CHID1: variants seen among roughly 807,000 people sequenced by gnomAD.
The protein encoded by CHID1 is chitinase domain containing 1.
In CHID1, 44 loss-of-function variants were observed where a neutral mutation model predicts 55.4. The observed-to-expected ratio is 0.79, with a 90% CI of 0.62 to 1.02. The LOEUF is 1.02. Among genes scored for constraint, CHID1 ranks in the 50% least tolerant of loss-of-function variants. The pLI, the probability that CHID1 is intolerant of heterozygous loss-of-function variation, is 0.00. For missense variants in CHID1, 491 were observed against 515.3 expected, an observed-to-expected ratio of 0.95 and a Z score of 0.46; for synonymous variants, 216 against 212.9, an observed-to-expected ratio of 1.01 and a Z score of -0.13.
At chr11:884,399 G>C (rs1184174165) in intron 8 of CHID1, among the ~76,000 whole-genome samples, 1 of 152,184 alleles carries the variant, frequency 6.6e-6, no homozygotes, top group Non-Finnish European at 1.5e-5. Flanking sequence ...CTGAGACCAG[G>C]GTACAGCTGA....
At chr11:873,047 G>C (rs530600749) in intron 10 of CHID1, among the ~76,000 whole-genome samples, 1 of 152,278 alleles carries the variant, frequency 6.6e-6, no homozygotes, top group Admixed American at 6.5e-5. Flanking sequence ...CCAACCCCAG[G>C]AATCGCTACT....
At position 869,732 on chromosome 11, in the gene CHID1, G is replaced by A. The variant is rs1437469148; in HGVS notation, c.*126C>T. On this transcript the variant is annotated 3_prime_UTR_variant, in exon 13 of 13. Transcript: ENST00000323578. ...GGATGGGGAGTCACATGGTGCCCAG[G>A]ACCCCCGACTGAGGACTGCAGCAGA... The A allele has an allele frequency of 8.6e-6, 7 of 809,620 alleles. No homozygotes were observed. Among genetic ancestry groups the A allele is most frequent in the Non-Finnish European group, 1.4e-5 (7 of 484,526 alleles). The allele number at this position is 809,620 out of a possible 1,614,324, so 50.2% of individuals were successfully genotyped here.
At chr11:877,771 C>T (rs1849612157) in intron 10 of CHID1, among the ~76,000 whole-genome samples, 1 of 149,594 alleles carries the variant, frequency 6.7e-6, no homozygotes, top group Non-Finnish European at 1.5e-5. Context: ...GAGGCGGGGC[C>T]TTTAGAAGGC....
At chr11:877,862 G>A (rs1158709295) in intron 10 of CHID1, among the ~76,000 whole-genome samples, 5 of 152,152 alleles carry the variant, frequency 3.3e-5, no homozygotes, top group Non-Finnish European at 7.4e-5. Flanking sequence ...GTGGGGAGGC[G>A]GGGCCTTTAG....
rs144058352 is a variant in CHID1 at position 904,712 on chromosome 11, C to T, written c.105G>A (p.Leu35=). The change falls in exon 2 of 13, where the codon CTG becomes CTA. Residue 35 remains leucine (L), a synonymous_variant. Transcript: ENST00000323578. ...DAKKAASKTL[L]EKSQFSDKPV... The stretch of plus-strand genomic sequence containing the variant: ...GTCCCCAGGCCACCCTTACCTTCTC[C>T]AGCAGCGTCTTTGAGGCGGCTTTTT... The T allele has an allele frequency of 5.5e-4, 885 of 1,614,114 alleles. 3 individuals are homozygous for T. The African/African-American group carries it at 6.0e-3, about 11-fold the overall frequency.
chr11:909,670 C>T (rs1475509929), intron 1 of CHID1, among the ~76,000 whole-genome samples: 8 of 152,226 alleles, frequency 5.3e-5, no homozygotes, highest in Admixed American at 5.2e-4. Flanking sequence ...TAACTCTATT[C>T]TGCGATGGAC....
At chr11:883,617 G>C (rs1046966583) in intron 9 of CHID1, among the ~76,000 whole-genome samples, 1 of 152,214 alleles carries the variant, frequency 6.6e-6, no homozygotes, top group Non-Finnish European at 1.5e-5. Flanking sequence ...AACACACCCA[G>C]GGCCAGGCAC....
At chr11:887,457 T>C (rs1309677877) in intron 8 of CHID1, among the ~76,000 whole-genome samples, 1 of 152,218 alleles carries the variant, frequency 6.6e-6, no homozygotes, top group Admixed American at 6.5e-5. Flanking sequence ...CGCTCCTTTG[T>C]GGTGTCTTCT....
intron 10 of CHID1, among the ~76,000 whole-genome samples, chr11:876,999 G>A (rs1297691394): frequency 4.6e-5 from 7 of 152,184 alleles, no homozygotes; most frequent in Non-Finnish European, 8.8e-5. Context: ...TGCCACTCAG[G>A]CCCAGAGGTC....
At chr11:901,582 C>T (rs976409732) in intron 4 of CHID1, among the ~76,000 whole-genome samples, 3 of 152,312 alleles carry the variant, frequency 2.0e-5, no homozygotes, top group Non-Finnish European at 4.4e-5. Context: ...GAATGAAAAT[C>T]GCTGAGAGAG....
chr11:914,670 C>T (rs1027481081), upstream of CHID1: 8 of 716,906 alleles, frequency 1.1e-5, no homozygotes, highest in African/African-American at 1.3e-4. Flanking sequence ...CTGCAGTGAG[C>T]TGTGATTGCA....
upstream of CHID1, chr11:914,952 A>G (rs1852859385): frequency 4.7e-6 from 1 of 211,060 alleles, no homozygotes; most frequent in Non-Finnish European, 9.6e-6. Context: ...TGGGTCACCC[A>G]AGGGCAGGAC....
At chr11:882,879 C>T (rs923401106) in intron 10 of CHID1, 10 of 404,408 alleles carry the variant, frequency 2.5e-5, no homozygotes, top group East Asian at 1.2e-4. Context: ...GCAAGGCTGA[C>T]GGGTGGGGGA....
chr11:896,461 G>A (rs1440682687), intron 7 of CHID1, among the ~76,000 whole-genome samples: 1 of 116,016 alleles, frequency 8.6e-6, no homozygotes, highest in Non-Finnish European at 1.7e-5. Flanking sequence ...CCAGACACAA[G>A]GCTGTCTCAG....
intron 7 of CHID1, among the ~76,000 whole-genome samples, chr11:898,778 T>C (rs931624893): frequency 6.6e-6 from 1 of 152,142 alleles, no homozygotes. Context: ...GCGAGGGTCA[T>C]GGGTGGGCTG....
Position 899,374 on chromosome 11 carries a change from C to G in CHID1, c.574G>C (p.Glu192Gln), listed in dbSNP as rs765296392. The change falls in exon 7 of 13, where the codon GAG (glutamate) becomes CAG (glutamine). Residue 192 changes from glutamate to glutamine, a missense_variant. Glu to Gln is a conservative substitution (Grantham distance 29). Transcript: ENST00000323578. ...TGGCTTAGCAGCTGGTTCCAGACCT[C>G]CACCACGAAGCCATCGAAATGCTGG... ...KNQHFDGFVVEVWNQLLSQKR... is the reference protein window; with the variant it reads ...KNQHFDGFVVQVWNQLLSQKR... 9.3e-6 allele frequency: 15 copies of G among 1,605,066 alleles called. No homozygotes were observed. The highest frequency in any genetic ancestry group is 7.9e-5 in the South Asian group (7 of 89,062).
chr11:887,575 C>A (rs1282071632), intron 8 of CHID1, among the ~76,000 whole-genome samples: 1 of 152,214 alleles, frequency 6.6e-6, no homozygotes, highest in East Asian at 1.9e-4. Flanking sequence ...AGGACCATGG[C>A]CAGCAGGACT....
chr11:912,876 C>G (rs892546293), upstream of CHID1, among the ~76,000 whole-genome samples: 4 of 151,710 alleles, frequency 2.6e-5, no homozygotes, highest in Non-Finnish European at 4.4e-5. Flanking sequence ...AAACTGACTT[C>G]TTTAGGTGGG....
intron 9 of CHID1, among the ~76,000 whole-genome samples, chr11:883,732 C>T (rs1003714719): frequency 6.6e-6 from 1 of 152,258 alleles, no homozygotes; most frequent in Non-Finnish European, 1.5e-5. Flanking sequence ...CTGAGGTCTC[C>T]CTGCCTGCGC....
Sources: allele counts gnomAD v4.1 joint callset (sites outside exome capture counted in the v4.1 genomes callset), GRCh38; gene constraint gnomAD v4.1.1; transcripts MANE v1.5; gene names NCBI Gene and HGNC (gene_info 2026-07-23, HGNC 2026-07-21).